Variants in CD83 observed in about 807,000 individuals in gnomAD.
The protein encoded by CD83 is CD83 antigen.
Under a neutral mutation model 24.6 loss-of-function variants are expected in CD83, and 22 were observed. The observed-to-expected ratio is 0.90, with a 90% CI of 0.64 to 1.28. The LOEUF is 1.28. Among genes scored for constraint, CD83 ranks in the 50% most tolerant of loss-of-function variants. The pLI is 0.00. For synonymous variants in CD83, 101 were observed against 103.5 expected (o/e 0.98, Z 0.14); for missense variants, 253 against 252.8 (o/e 1.00, Z -0.01).
At position 14,131,733 on chromosome 6, in the gene CD83, A is replaced by G. The variant is rs763688011; in HGVS notation, c.367A>G (p.Ile123Val). The G allele has an allele frequency of 6.2e-7, 1 of 1,612,882 alleles. No homozygotes were observed. The highest frequency in any genetic ancestry group is 8.5e-7 in the Non-Finnish European group (1 of 1,178,860). Residue 123 changes from isoleucine (I) to valine (V), a missense_variant, in exon 3 of 5, where the codon ATC becomes GTC. Transcript: ENST00000379153. ...GCAGAGAAACCTAAGTGGCAAGGTG[A>G]TCTTGAGAGTGACAGGTGAGGTGAC... ...DGQRNLSGKV[I>V]LRVTGCPAQR...
rs1486133646 is a variant in CD83 at position 14,131,555 on chromosome 6, C to G, written c.189C>G (p.Pro63=). The part of the protein sequence containing the change: ...LEGGEERMET[P]QEDHLRGQHY... ...GTGGTGAAGAGAGGATGGAGACACC[C>G]CAGGAAGACCACCTCAGGGGACAGC... Residue 63 remains proline (P), a synonymous_variant, in exon 3 of 5, where the codon CCC becomes CCG. Coordinates refer to ENST00000379153, the MANE Select transcript of CD83 (RefSeq NM_004233.4). The G allele has an allele frequency of 1.2e-6, 2 of 1,613,940 alleles. No homozygotes were observed. Among genetic ancestry groups the G allele is most frequent in the Non-Finnish European group, 1.7e-6 (2 of 1,179,994 alleles).
In CD83 at chr6:14,131,464, T is replaced by A. The variant is rs1757897473; in HGVS notation, c.154-56T>A. On this transcript the variant is annotated intron_variant, in intron 2 of 4. Transcript: ENST00000379153. ...TCTGAAAACAAAATGGAAACATTGG[T>A]GTCGAGTTGGAGTGCTTGCAGTGGA... 2.4e-6 allele frequency: 3 copies of A among 1,235,410 alleles called. No individual in the cohort carries two copies. In the South Asian group the frequency reaches 3.8e-5, roughly 16 times the overall value. The allele number at this position is 1,235,410 out of a possible 1,614,324, so 76.5% of individuals were successfully genotyped here.
At chr6:14,119,301 A>C (rs981445303) in intron 2 of CD83, among the ~76,000 whole-genome samples, 1 of 152,150 alleles carries the variant, frequency 6.6e-6, no homozygotes, top group African/African-American at 2.4e-5. Flanking sequence ...AAATATTCCT[A>C]CTTCATTGGT....
intron 2 of CD83, among the ~76,000 whole-genome samples, chr6:14,119,602 G>C (rs1383312642): frequency 6.6e-6 from 1 of 152,122 alleles, no homozygotes; most frequent in Non-Finnish European, 1.5e-5. Flanking sequence ...GGATTTGAAC[G>C]AAGCAGTCTG....
intron 2 of CD83, 56 bp downstream of exon 2, chr6:14,118,121 G>A: frequency 7.7e-7 from 1 of 1,305,452 alleles, no homozygotes; most frequent in Middle Eastern, 1.8e-4. Flanking sequence ...GAAGACAGCA[G>A]GAACCATCTC....
chr6:14,123,623 G>A (rs571084899), intron 2 of CD83, among the ~76,000 whole-genome samples: 22 of 152,048 alleles, frequency 1.4e-4, no homozygotes, highest in Non-Finnish European at 2.8e-4. Flanking sequence ...GGCTATAGAA[G>A]AAGTCTCATC....
chr6:14,125,134 C>T (rs1222511180), intron 2 of CD83, among the ~76,000 whole-genome samples: 2 of 152,218 alleles, frequency 1.3e-5, no homozygotes, highest in African/African-American at 2.4e-5. Context: ...GCCCTGGCAA[C>T]ACCTTGATTT....
rs552173868 is a variant in CD83, at chr6:14,125,588, C to T, written c.154-5932C>T. Among the ~76,000 whole-genome samples, 57 of 152,262 alleles carry T rather than the reference C, an allele frequency of 3.7e-4. No individual in the cohort carries two copies. In the Middle Eastern group the frequency reaches 0.017, roughly 45 times the overall value. ...GTCTCCATGATCGTGGGGTACCAGG[C>T]CTGAGTTAAGTTGCCTCCTCTAGAA... is the stretch of plus-strand genomic sequence containing the variant. On this transcript the variant is annotated intron_variant, in intron 2 of 4. Coordinates refer to ENST00000379153, the MANE Select transcript of CD83 (RefSeq NM_004233.4).
chr6:14,124,088 T>C (rs1759733405), intron 2 of CD83, among the ~76,000 whole-genome samples: 1 of 152,260 alleles, frequency 6.6e-6, no homozygotes, highest in Non-Finnish European at 1.5e-5. Flanking sequence ...AAGATTCTTT[T>C]ATACTCATAA....
intron 3 of CD83, among the ~76,000 whole-genome samples, chr6:14,132,253 C>G (rs1757927818): frequency 6.6e-6 from 1 of 152,150 alleles, no homozygotes; most frequent in African/African-American, 2.4e-5. Context: ...GTCTGTCTCC[C>G]CAAGAGAACA....
At position 14,131,052 on chromosome 6, in the gene CD83, T is replaced by A. The variant is rs143645955; in HGVS notation, c.154-468T>A. On this transcript the variant is annotated intron_variant, in intron 2 of 4. Transcript: ENST00000379153. ...ATCTGCTTATCTGATTTTAGTTGAA[T>A]TGTCTGGCAAGGATCATAACAGATT... Among the ~76,000 whole-genome samples the A allele has an allele frequency of 3.0e-4, 45 of 152,316 alleles. 1 individual carries two copies. The highest frequency in any genetic ancestry group is 1.7e-3 in the South Asian group (8 of 4,818).
chr6:14,123,616 T>C (rs1759722431), intron 2 of CD83, among the ~76,000 whole-genome samples: 1 of 151,990 alleles, frequency 6.6e-6, no homozygotes, highest in Non-Finnish European at 1.5e-5. Context: ...TCTGAGTGGC[T>C]ATAGAAGAAG....
Position 14,128,177 on chromosome 6 carries a change from C to T in CD83, c.154-3343C>T, listed in dbSNP as rs562728337. On this transcript the variant is annotated intron_variant, in intron 2 of 4. Transcript: ENST00000379153. ...GGGGATGGCCCATTTGCTGTTACTCCGTTTTCCTCCCACTGAAATTTCCCT... is the reference window on the plus strand; with the variant it reads ...GGGGATGGCCCATTTGCTGTTACTCTGTTTTCCTCCCACTGAAATTTCCCT... 1.3e-4 allele frequency among the ~76,000 whole-genome samples: 20 copies of T among 152,280 alleles called. 1 individual carries two copies. Among genetic ancestry groups the T allele is most frequent in the African/African-American group, 4.3e-4 (18 of 41,564 alleles).
intron 2 of CD83, among the ~76,000 whole-genome samples, chr6:14,123,137 G>A (rs554078009): frequency 6.7e-6 from 1 of 148,826 alleles, no homozygotes; most frequent in East Asian, 2.0e-4. Context: ...TGCTCTTGTC[G>A]CCCAGGCTGG....
chr6:14,121,827 A>G (rs1759677861), intron 2 of CD83, among the ~76,000 whole-genome samples: 1 of 152,096 alleles, frequency 6.6e-6, no homozygotes, highest in African/African-American at 2.4e-5. Flanking sequence ...CTTCATGAAA[A>G]GCGTCGCTGT....
intron 2 of CD83, among the ~76,000 whole-genome samples, chr6:14,123,692 G>T (rs925629812): frequency 7.2e-6 from 1 of 138,066 alleles, no homozygotes; most frequent in Non-Finnish European, 1.5e-5. Context: ...AGCACAAGTT[G>T]CCAAAATCTT....
At chr6:14,130,675 G>A (rs1478025952) in intron 2 of CD83, among the ~76,000 whole-genome samples, 1 of 152,204 alleles carries the variant, frequency 6.6e-6, no homozygotes, top group Non-Finnish European at 1.5e-5. Flanking sequence ...CAAGGGTGCA[G>A]TGAGCCATGA....
chr6:14,133,737 A>C lies in CD83; in HGVS notation c.471A>C (p.Thr157=), dbSNP rs757715128. 2 of 1,608,684 alleles carry C rather than the reference A, an allele frequency of 1.2e-6. No homozygotes were observed. Among genetic ancestry groups the C allele is most frequent in the Non-Finnish European group, 1.7e-6 (2 of 1,175,482 alleles). ...LLLALVIFYL[T]LIIFTCKFAR... is the part of the protein sequence containing the mutation. ...TGGCTCTGGTTATTTTCTACTTAAC[A>C]CTCATCATTTTCACTTGTGTAAGTA... The change falls in exon 4 of 5, where the codon ACA becomes ACC. Residue 157 remains threonine (T), a synonymous_variant. Transcript: ENST00000379153.
chr6:14,125,870 T>C (rs1220343279), intron 2 of CD83, among the ~76,000 whole-genome samples: 1 of 152,190 alleles, frequency 6.6e-6, no homozygotes, highest in African/African-American at 2.4e-5. Flanking sequence ...AGAGCAGAGA[T>C]TGGGACTTCT....
Sources: allele counts gnomAD v4.1 joint callset (sites outside exome capture counted in the v4.1 genomes callset), GRCh38; gene constraint gnomAD v4.1.1; transcripts MANE v1.5; gene names NCBI Gene and HGNC (gene_info 2026-07-23, HGNC 2026-07-21).